PKIB: variants seen among roughly 807,000 people sequenced by gnomAD.
The protein encoded by PKIB is PKI-beta.
PKIB carries 2 observed loss-of-function variants against 4.5 expected under a neutral mutation model. The ratio of observed to expected loss-of-function variants is 0.44; its 90% CI spans 0.18 to 1.39. The LOEUF is 1.39. PKIB is among the 40% of genes most tolerant of loss of function. PKIB has a pLI of 0.27. For missense variants in PKIB, 94 were observed against 92.6 expected (o/e 1.02, Z -0.06); for synonymous variants, 38 against 36.0 (o/e 1.06, Z -0.20).
At chr6:122,626,830 T>C (rs888741312) in intron 1 of PKIB, among the ~76,000 whole-genome samples, 2 of 152,190 alleles carry the variant, frequency 1.3e-5, no homozygotes, top group African/African-American at 4.8e-5. Context: ...TCCTTCTTAA[T>C]ATGAGATGAT....
intron 2 of PKIB, among the ~76,000 whole-genome samples, chr6:122,544,734 A>C (rs1414273471): frequency 3.3e-5 from 5 of 152,262 alleles, no homozygotes; most frequent in Non-Finnish European, 7.3e-5. Flanking sequence ...AAATATTTGC[A>C]AACTATGTAT....
Position 122,725,930 on chromosome 6 carries a change from T to A in PKIB, c.*735T>A, listed in dbSNP as rs1779936088. 1 of 152,168 alleles carries A rather than the reference T, an allele frequency of 6.6e-6. No individual in the cohort carries two copies. Among genetic ancestry groups the A allele is most frequent in the South Asian group, 2.1e-4 (1 of 4,834 alleles). 9.4% of individuals were successfully genotyped at this position (152,168 alleles called of 1,614,324 possible). On this transcript the variant is annotated 3_prime_UTR_variant, in exon 5 of 5. Coordinates refer to ENST00000368452, the MANE Select transcript of PKIB (RefSeq NM_181795.3). ...TATGTGTGTGTGTTTTACTTTAATA[T>A]GAATTATACAAAATACTAGTTGTTT...
In PKIB at chr6:122,712,140, T is replaced by A. The variant is rs140309580; in HGVS notation, c.-8-5647T>A. On this transcript the variant is annotated intron_variant, in intron 3 of 4. Coordinates refer to ENST00000368452, the MANE Select transcript of PKIB (RefSeq NM_181795.3). The stretch of plus-strand genomic sequence containing the variant: ...GGAGATATGTAAAGCATTTACATTT[T>A]AGGAGTGGGTAATTTTACTTTATTT... 6.6e-5 allele frequency among the ~76,000 whole-genome samples: 10 copies of A among 152,310 alleles called. No individual in the cohort carries two copies. The East Asian group carries it at 1.4e-3, about 21-fold the overall frequency.
intron 2 of PKIB, among the ~76,000 whole-genome samples, chr6:122,634,864 C>T (rs1260753346): frequency 6.6e-6 from 1 of 151,822 alleles, no homozygotes; most frequent in Non-Finnish European, 1.5e-5. Flanking sequence ...ATGGTGTGAA[C>T]CCGGGAGGCG....
chr6:122,626,224 A>G (rs924099070), intron 1 of PKIB, among the ~76,000 whole-genome samples: 1 of 152,244 alleles, frequency 6.6e-6, no homozygotes, highest in East Asian at 1.9e-4. Context: ...TCACAACTGT[A>G]TAAATTCATC....
At chr6:122,595,091 A>G (rs1423140776) in intron 3 of PKIB, among the ~76,000 whole-genome samples, 2 of 152,172 alleles carry the variant, frequency 1.3e-5, no homozygotes, top group African/African-American at 4.8e-5. Context: ...TGTTGCGGGA[A>G]CAGGAAGCAA....
intron 3 of PKIB, among the ~76,000 whole-genome samples, chr6:122,589,788 A>C (rs1773963587): frequency 6.6e-6 from 1 of 152,166 alleles, no homozygotes; most frequent in African/African-American, 2.4e-5. Flanking sequence ...ACAAAGAATA[A>C]GGGGGCAGCA....
intron 2 of PKIB, among the ~76,000 whole-genome samples, chr6:122,674,422 G>A (rs1777590516): frequency 6.6e-6 from 1 of 152,148 alleles, no homozygotes; most frequent in African/African-American, 2.4e-5. Context: ...ATTGCTATGA[G>A]TGGCTAATGT....
intron 2 of PKIB, among the ~76,000 whole-genome samples, chr6:122,535,658 A>G (rs1479492308): frequency 6.6e-6 from 1 of 152,152 alleles, no homozygotes; most frequent in Non-Finnish European, 1.5e-5. Context: ...GGAGAAGTAA[A>G]CTGTTGAAAA....
chr6:122,615,720 GAGAA>G (rs1003332624), intron 1 of PKIB, among the ~76,000 whole-genome samples: 1 of 152,160 alleles, frequency 6.6e-6, no homozygotes, highest in Non-Finnish European at 1.5e-5. Context: ...GAGACACAAA[GAGAA>G]AGACACATAG....
At chr6:122,638,600 C>G (rs1349747482) in intron 2 of PKIB, among the ~76,000 whole-genome samples, 1 of 152,220 alleles carries the variant, frequency 6.6e-6, no homozygotes, top group Non-Finnish European at 1.5e-5. Flanking sequence ...CAAATTGCCC[C>G]AAGTTCTGCC....
At chr6:122,556,607 C>T (rs527912742) in intron 2 of PKIB, among the ~76,000 whole-genome samples, 5 of 152,144 alleles carry the variant, frequency 3.3e-5, no homozygotes, top group Admixed American at 6.5e-5. Context: ...AGCAGATCTG[C>T]GGGTGCCTGA....
At chr6:122,571,460 AAGCCAACATG>A (rs1388153741) in intron 2 of PKIB, among the ~76,000 whole-genome samples, 2 of 152,212 alleles carry the variant, frequency 1.3e-5, no homozygotes, top group African/African-American at 4.8e-5. Context: ...AAGCTATCTA[AAGCCAACATG>A]AAGAAAAGGA....
At chr6:122,690,896 T>C (rs1043165667) in intron 3 of PKIB, among the ~76,000 whole-genome samples, 1 of 149,434 alleles carries the variant, frequency 6.7e-6, no homozygotes, top group African/African-American at 2.5e-5. Flanking sequence ...ATGTCCTTAT[T>C]TCTCCTTCAT....
At chr6:122,567,811 A>G (rs1562254210) in intron 2 of PKIB, among the ~76,000 whole-genome samples, 2 of 152,338 alleles carry the variant, frequency 1.3e-5, no homozygotes, top group East Asian at 1.9e-4. Flanking sequence ...CTTGAAAATA[A>G]TAAAGCGAAA....
Position 122,684,426 on chromosome 6 carries a change from C to T in PKIB, c.-9+9282C>T, listed in dbSNP as rs141816254. 2.1e-3 allele frequency among the ~76,000 whole-genome samples: 318 copies of T among 152,078 alleles called. 1 individual carries two copies. The highest frequency in any genetic ancestry group is 6.8e-3 in the African/African-American group (281 of 41,520). On this transcript the variant is annotated intron_variant, in intron 3 of 4. Transcript: ENST00000368452. ...CAATAAAGACCTAGCCCTCAATCTA[C>T]CTTTCTCTTTCACATCTACCTTTCT...
At chr6:122,708,728 G>A (rs9388123) in intron 3 of PKIB, among the ~76,000 whole-genome samples, 37,810 of 152,064 alleles carry the variant, frequency 0.25, 5,198 homozygotes, top group East Asian at 0.45. Flanking sequence ...CCTCCTCCCG[G>A]GTTCAAGTGA....
chr6:122,658,360 G>A (rs1052191610), intron 2 of PKIB, among the ~76,000 whole-genome samples: 45 of 152,220 alleles, frequency 3.0e-4, no homozygotes, highest in African/African-American at 1.0e-3. Context: ...ATTCATAAAA[G>A]TAATGATACA....
chr6:122,707,221 A>G (rs1004000241), intron 3 of PKIB, among the ~76,000 whole-genome samples: 1 of 152,072 alleles, frequency 6.6e-6, no homozygotes, highest in African/African-American at 2.4e-5. Context: ...TATGACCCAG[A>G]AAAATTCTCA....
Sources: gnomAD v4.1 joint callset for allele counts (sites outside exome capture counted in the v4.1 genomes callset) on GRCh38, gnomAD v4.1.1 for gene constraint, MANE v1.5 for transcripts, NCBI Gene and HGNC (gene_info 2026-07-23, HGNC 2026-07-21) for gene names.